ACKR2: variants seen among roughly 807,000 people sequenced by gnomAD.
ACKR2 encodes C-C chemokine receptor D6.
For missense variants in ACKR2, 457 were observed against 477.3 expected, an observed-to-expected ratio of 0.96 and a Z score of 0.40; for synonymous variants, 207 against 192.2, an observed-to-expected ratio of 1.08 and a Z score of -0.64.
In ACKR2 at chr3:42,865,674, C is replaced by A; in HGVS notation, c.*17C>A. The A allele has an allele frequency of 6.3e-7, 1 of 1,585,606 alleles. No individual in the cohort carries two copies. Among genetic ancestry groups the A allele is most frequent in the South Asian group, 1.2e-5 (1 of 85,224 alleles). The stretch of plus-strand genomic sequence containing the variant: ...TCAGCCTGAGTGACCAAATTTTGGT[C>A]TGGTGGGAACAGATGGGAACCAGCT... On this transcript the variant is annotated 3_prime_UTR_variant, in exon 3 of 3. Coordinates refer to ENST00000422265, the MANE Select transcript of ACKR2 (RefSeq NM_001296.5).
chr3:42,833,307 T>C (rs1455879494), intron 2 of ACKR2, among the ~76,000 whole-genome samples: 2 of 152,234 alleles, frequency 1.3e-5, no homozygotes, highest in Non-Finnish European at 2.9e-5. Context: ...TATAAACAAA[T>C]TATCTCAAGA....
intron 2 of ACKR2, chr3:42,851,197 G>A: frequency 5.4e-6 from 1 of 185,806 alleles, no homozygotes; most frequent in Non-Finnish European, 1.0e-5. Context: ...TGGGGTGGGA[G>A]TCATCTGAGC....
At chr3:42,845,267 C>T (rs894449690) in intron 2 of ACKR2, among the ~76,000 whole-genome samples, 7 of 152,194 alleles carry the variant, frequency 4.6e-5, no homozygotes, top group Admixed American at 1.3e-4. Context: ...TTCTCAAACT[C>T]CTGTACTCAA....
intron 2 of ACKR2, among the ~76,000 whole-genome samples, chr3:42,829,376 C>A (rs1700905935): frequency 6.6e-6 from 1 of 152,094 alleles, no homozygotes; most frequent in Non-Finnish European, 1.5e-5. Flanking sequence ...AAAGGTAAAC[C>A]ATCTCTGACT....
Position 42,865,471 on chromosome 3 carries a change from G to A in ACKR2, c.969G>A (p.Leu323=), listed in dbSNP as rs2088427543. The change falls in exon 3 of 3, where the codon CTG becomes CTA. Residue 323 remains leucine (L), a synonymous_variant. Transcript: ENST00000422265. The part of the protein sequence containing the change: ...AFSSHRFRQY[L]KAFLAAVLGW... Reference sequence around the variant, plus strand: ...CCAGTCACCGCTTCCGCCAGTACCTGAAGGCTTTCCTGGCTGCCGTGCTTG... The same window carrying A: ...CCAGTCACCGCTTCCGCCAGTACCTAAAGGCTTTCCTGGCTGCCGTGCTTG... The A allele has an allele frequency of 1.2e-6, 2 of 1,614,010 alleles. No individual in the cohort carries two copies. Among genetic ancestry groups the A allele is most frequent in the East Asian group, 2.2e-5 (1 of 44,888 alleles).
intron 1 of ACKR2, among the ~76,000 whole-genome samples, chr3:42,813,620 C>T (rs1700716825): frequency 6.6e-6 from 1 of 152,178 alleles, no homozygotes. Flanking sequence ...ATCTAATCAC[C>T]TCCTACCAGG....
chr3:42,811,791 G>A (rs2125600659), intron 1 of ACKR2, among the ~76,000 whole-genome samples: 1 of 152,312 alleles, frequency 6.6e-6, no homozygotes, highest in South Asian at 2.1e-4. Context: ...GAGATATGCT[G>A]GCAGCAATGC....
At chr3:42,812,659 A>AGTG (rs904206387) in intron 1 of ACKR2, among the ~76,000 whole-genome samples, 3 of 138,278 alleles carry the variant, frequency 2.2e-5, no homozygotes, top group Non-Finnish European at 4.6e-5. Flanking sequence ...CTTTAATAAA[A>AGTG]GTGGTTGGGC....
intron 2 of ACKR2, among the ~76,000 whole-genome samples, chr3:42,827,539 T>C: frequency 6.6e-6 from 1 of 152,236 alleles, no homozygotes; most frequent in Non-Finnish European, 1.5e-5. Context: ...ATCTGCTGGT[T>C]ATTGAGCACT....
chr3:42,829,779 T>C (rs1463803220), intron 2 of ACKR2, among the ~76,000 whole-genome samples: 2 of 152,170 alleles, frequency 1.3e-5, no homozygotes, highest in African/African-American at 4.8e-5. Context: ...TTAGTCTTCA[T>C]GCCAACTGAG....
At chr3:42,847,997 TG>T (rs1158849616) in intron 2 of ACKR2, among the ~76,000 whole-genome samples, 2 of 151,888 alleles carry the variant, frequency 1.3e-5, no homozygotes, top group Admixed American at 1.3e-4. Flanking sequence ...GTGCTATGGC[TG>T]GGGGGTGACA....
intron 2 of ACKR2, among the ~76,000 whole-genome samples, chr3:42,845,150 G>A (rs4683345): frequency 0.38 from 58,147 of 152,000 alleles, 11,848 homozygotes; most frequent in East Asian, 0.67. Flanking sequence ...GACAGGGCAC[G>A]GTGTCCCTCT....
At chr3:42,818,190 T>G (rs1700773119) in intron 1 of ACKR2, among the ~76,000 whole-genome samples, 2 of 152,182 alleles carry the variant, frequency 1.3e-5, no homozygotes, top group African/African-American at 4.8e-5. Context: ...GTTAACCATC[T>G]CTCTCCTCCC....
In ACKR2 at chr3:42,811,911, G is replaced by T. The variant is rs545797098; in HGVS notation, c.-119+2379G>T. Among the ~76,000 whole-genome samples the T allele has an allele frequency of 9.8e-5, 15 of 152,296 alleles. No individual in the cohort carries two copies. The East Asian group carries it at 2.9e-3, about 29-fold the overall frequency. ...TTCCCTTAAACTTATTTGTGACACA[G>T]ATTCCTTTGCTCACATGTTTTCCTG... is the stretch of plus-strand genomic sequence containing the variant. On this transcript the variant is annotated intron_variant, in intron 1 of 2. Coordinates refer to ENST00000422265, the MANE Select transcript of ACKR2 (RefSeq NM_001296.5).
At chr3:42,826,864 A>T (rs1441120061) in intron 2 of ACKR2, among the ~76,000 whole-genome samples, 1 of 152,110 alleles carries the variant, frequency 6.6e-6, no homozygotes, top group African/African-American at 2.4e-5. Flanking sequence ...CTGTATTCAC[A>T]TTTCTCTCTA....
intron 2 of ACKR2, among the ~76,000 whole-genome samples, chr3:42,848,879 G>A (rs766763226): frequency 2.6e-4 from 40 of 152,142 alleles, no homozygotes; most frequent in Non-Finnish European, 4.4e-4. Flanking sequence ...TGTTGTTCCT[G>A]CCCAAAATAC....
chr3:42,861,321 C>T (rs902816260), intron 2 of ACKR2, among the ~76,000 whole-genome samples: 13 of 152,058 alleles, frequency 8.5e-5, no homozygotes, highest in Non-Finnish European at 1.6e-4. Flanking sequence ...AGGAAGAAGT[C>T]GAATCCCTGA....
At chr3:42,842,947 T>A (rs1445349619) in intron 2 of ACKR2, among the ~76,000 whole-genome samples, 1 of 139,416 alleles carries the variant, frequency 7.2e-6, no homozygotes, top group Non-Finnish European at 1.5e-5. Context: ...ATTGCACCAT[T>A]GCCCTCCAGC....
Position 42,859,524 on chromosome 3 carries a change from G to A in ACKR2, c.-37-4942G>A, listed in dbSNP as rs192396064. On this transcript the variant is annotated intron_variant, in intron 2 of 2. Coordinates refer to ENST00000422265, the MANE Select transcript of ACKR2 (RefSeq NM_001296.5). ...CTCCTGAGTGGCTGGGACTAGAGGC[G>A]CCCGCCACCATGCCCAGCTAATTTT... Among the ~76,000 whole-genome samples, 380 of 152,018 alleles carry A rather than the reference G, an allele frequency of 2.5e-3. 4 individuals are homozygous for A. The highest frequency in any genetic ancestry group is 8.7e-3 in the African/African-American group (361 of 41,450).
Sources: gnomAD v4.1 joint callset for allele counts (sites outside exome capture counted in the v4.1 genomes callset) on GRCh38, gnomAD v4.1.1 for gene constraint, MANE v1.5 for transcripts, NCBI Gene and HGNC (gene_info 2026-07-23, HGNC 2026-07-21) for gene names.